The following RANBP17 variants were observed in gnomAD, a reference collection of about 807,000 sequenced individuals.
The protein encoded by RANBP17 is RAN binding protein 17.
Under a neutral mutation model 141.2 loss-of-function variants are expected in RANBP17, and 158 were observed. The ratio of observed to expected loss-of-function variants is 1.12; its 90% CI spans 0.98 to 1.28. The LOEUF (loss-of-function observed/expected upper bound fraction) is 1.28. Among genes scored for constraint, RANBP17 ranks in the 50% most tolerant of loss-of-function variants. The probability of loss-of-function intolerance (pLI) is 0.00; values close to 1 mark genes in which losing one functional copy is unlikely to be tolerated. For missense variants in RANBP17, 1,438 were observed against 1,290.7 expected (o/e 1.11, Z -1.75); for synonymous variants, 430 against 450.0 (o/e 0.96, Z 0.56).
chr5:171,221,287 T>C (rs1187747223), intron 21 of RANBP17, among the ~76,000 whole-genome samples: 1 of 152,226 alleles, frequency 6.6e-6, no homozygotes, highest in South Asian at 2.1e-4. Flanking sequence ...TCTTTACACA[T>C]ATGTGCAGTA....
chr5:171,015,523 T>C (rs1780365098), intron 14 of RANBP17, among the ~76,000 whole-genome samples: 1 of 152,140 alleles, frequency 6.6e-6, no homozygotes, highest in Non-Finnish European at 1.5e-5. Flanking sequence ...TAAATATATT[T>C]TCTAACTTTT....
chr5:171,205,417 T>C, intron 19 of RANBP17, 107 bp from the exon 20 acceptor site: 2 of 858,082 alleles, frequency 2.3e-6, no homozygotes, highest in Non-Finnish European at 3.8e-6. Flanking sequence ...CGAGACATTT[T>C]AGCTAATGAA....
At chr5:170,968,508 A>T (rs2879366) in intron 14 of RANBP17, 131 bp downstream of exon 14, 579,545 of 842,788 alleles carry the variant, frequency 0.69, 203,423 homozygotes, top group South Asian at 0.89. Flanking sequence ...TGAATTGGTG[A>T]TGAAGTGCAA....
At chr5:171,289,869 A>C (rs137975853) in intron 25 of RANBP17, among the ~76,000 whole-genome samples, 13,237 of 151,934 alleles carry the variant, frequency 0.087, 795 homozygotes, top group East Asian at 0.2. Context: ...ATCTCTACTA[A>C]AAATACAAAA....
intron 14 of RANBP17, among the ~76,000 whole-genome samples, chr5:171,015,969 T>A (rs61411041): frequency 0.02 from 3,064 of 152,210 alleles, 90 homozygotes; most frequent in African/African-American, 0.069. Flanking sequence ...CTCACATGCA[T>A]GTGTTGATTG....
chr5:171,226,781 G>A (rs1763907461), intron 22 of RANBP17, among the ~76,000 whole-genome samples: 1 of 152,152 alleles, frequency 6.6e-6, no homozygotes, highest in Non-Finnish European at 1.5e-5. Flanking sequence ...TAAAAAAGAG[G>A]CTGAAAATCA....
At chr5:171,148,372 C>T (rs1303155483) in intron 14 of RANBP17, among the ~76,000 whole-genome samples, 1 of 151,404 alleles carries the variant, frequency 6.6e-6, no homozygotes, top group African/African-American at 2.4e-5. Flanking sequence ...GAGAAACACC[C>T]AAGAATTATC....
At chr5:170,873,126 G>T (rs1344270543) in intron 1 of RANBP17, among the ~76,000 whole-genome samples, 6 of 152,138 alleles carry the variant, frequency 3.9e-5, no homozygotes, top group African/African-American at 1.2e-4. Context: ...GGCCAGACTG[G>T]TCTTGAACTA....
chr5:171,191,657 A>G (rs1174769161), intron 18 of RANBP17, among the ~76,000 whole-genome samples: 1 of 151,982 alleles, frequency 6.6e-6, no homozygotes, highest in East Asian at 1.9e-4. Context: ...ACTGCACTCC[A>G]ACCTGGGCAA....
intron 14 of RANBP17, among the ~76,000 whole-genome samples, chr5:171,007,649 A>C (rs562865494): frequency 6.6e-6 from 1 of 152,280 alleles, no homozygotes; most frequent in South Asian, 2.1e-4. Flanking sequence ...AGGGCATCTC[A>C]GACTATTTGC....
chr5:171,079,687 T>C (rs1181334508), intron 14 of RANBP17, among the ~76,000 whole-genome samples: 5 of 152,360 alleles, frequency 3.3e-5, no homozygotes, highest in Admixed American at 1.3e-4. Flanking sequence ...GTTAGCATTT[T>C]TTTAGCAATA....
chr5:171,063,148 C>T (rs1057507646), intron 14 of RANBP17, among the ~76,000 whole-genome samples: 3 of 152,314 alleles, frequency 2.0e-5, no homozygotes, highest in African/African-American at 7.2e-5. Flanking sequence ...CTGAAGCCTT[C>T]TTCTCTCAAC....
At chr5:170,923,588 T>C (rs1772657449) in intron 11 of RANBP17, among the ~76,000 whole-genome samples, 1 of 152,220 alleles carries the variant, frequency 6.6e-6, no homozygotes, top group Non-Finnish European at 1.5e-5. Flanking sequence ...GGGGAAAGAA[T>C]TGACATCTCA....
intron 14 of RANBP17, among the ~76,000 whole-genome samples, chr5:171,124,408 G>A (rs1756274826): frequency 6.6e-6 from 1 of 152,048 alleles, no homozygotes; most frequent in South Asian, 2.1e-4. Flanking sequence ...TTTAGAAGGG[G>A]AAGAGATGGA....
At chr5:171,274,163 CGT>C (rs1491104215) in intron 25 of RANBP17, among the ~76,000 whole-genome samples, 8,704 of 140,974 alleles carry the variant, frequency 0.062, 314 homozygotes, top group East Asian at 0.15. Context: ...CGCGCGCGCG[CGT>C]GCGCAAAATC....
At chr5:170,902,835 C>T (rs936081434) in intron 5 of RANBP17, among the ~76,000 whole-genome samples, 7 of 152,162 alleles carry the variant, frequency 4.6e-5, no homozygotes, top group African/African-American at 7.2e-5. Context: ...CTGTTTGCCT[C>T]GGTATCACCA....
intron 14 of RANBP17, among the ~76,000 whole-genome samples, chr5:170,995,348 T>G (rs953828319): frequency 6.6e-6 from 1 of 152,180 alleles, no homozygotes; most frequent in Non-Finnish European, 1.5e-5. Context: ...TGGTTTTTAC[T>G]TTCAAAGTAA....
chr5:171,272,534 A>G (rs570469103), intron 25 of RANBP17, among the ~76,000 whole-genome samples: 301 of 152,308 alleles, frequency 2.0e-3, no homozygotes, highest in African/African-American at 6.7e-3. Context: ...AAAATAGGAA[A>G]CATTCCCAAG....
intron 16 of RANBP17, among the ~76,000 whole-genome samples, chr5:171,181,428 G>A (rs1760851869): frequency 6.6e-6 from 1 of 151,834 alleles, no homozygotes; most frequent in Non-Finnish European, 1.5e-5. Context: ...TCCAGCCTGG[G>A]CGACAGAGCG....
Sources: gnomAD v4.1 joint callset for allele counts (sites outside exome capture counted in the v4.1 genomes callset) on GRCh38, gnomAD v4.1.1 for gene constraint, MANE v1.5 for transcripts, NCBI Gene and HGNC (gene_info 2026-07-23, HGNC 2026-07-21) for gene names.